Variants in OR8G5 observed in about 807,000 individuals in gnomAD.
The protein encoded by OR8G5 is olfactory receptor family 8 subfamily G member 5, also known as olfactory receptor 8G5.
For missense variants in OR8G5, 347 were observed against 371.9 expected (o/e 0.93, Z 0.55); for synonymous variants, 147 against 147.7 (o/e 1.00, Z 0.03).
At chr11:124,263,639 G>C (rs1846834629) in intron 1 of OR8G5, among the ~76,000 whole-genome samples, 1 of 151,614 alleles carries the variant, frequency 6.6e-6, no homozygotes, top group African/African-American at 2.4e-5. Flanking sequence ...GAGAATGATG[G>C]TTTCCAGCTT....
intron 1 of OR8G5, among the ~76,000 whole-genome samples, chr11:124,258,848 T>C (rs546717485): frequency 3.9e-5 from 6 of 152,106 alleles, no homozygotes; most frequent in Non-Finnish European, 8.8e-5. Context: ...GCACATGAGT[T>C]GGGAAGCTAT....
chr11:124,264,689 A>G, intron 1 of OR8G5: 4 of 555,424 alleles, frequency 7.2e-6, no homozygotes, highest in Non-Finnish European at 1.3e-5. Flanking sequence ...TTCAAAATAC[A>G]AAATAGACAC....
At chr11:124,261,663 C>A (rs1051891041) in intron 1 of OR8G5, among the ~76,000 whole-genome samples, 2 of 151,826 alleles carry the variant, frequency 1.3e-5, no homozygotes, top group African/African-American at 2.4e-5. Flanking sequence ...AATGCCTCAA[C>A]AACATAATTA....
intron 1 of OR8G5, among the ~76,000 whole-genome samples, chr11:124,259,272 G>T (rs912970390): frequency 6.6e-6 from 1 of 152,094 alleles, no homozygotes; most frequent in South Asian, 2.1e-4. Flanking sequence ...ACACAAACAG[G>T]ATATTTACAC....
chr11:124,265,923 T>C lies in OR8G5; in HGVS notation c.*56T>C. On this transcript the variant is annotated 3_prime_UTR_variant, in exon 2 of 2. Transcript: ENST00000641992. ...ATCTAAGTTTTTGGCTATGATATTG[T>C]ATGAAATGATGTCTTTCACTTTAGT... The C allele has an allele frequency of 6.7e-7, 1 of 1,497,116 alleles. No homozygotes were observed. Among genetic ancestry groups the C allele is most frequent in the Non-Finnish European group, 8.9e-7 (1 of 1,123,604 alleles). The allele number at this position is 1,497,116 out of a possible 1,614,324, so 92.7% of individuals were successfully genotyped here.
At chr11:124,256,963 T>C (rs2137755784) in intron 1 of OR8G5, among the ~76,000 whole-genome samples, 1 of 152,272 alleles carries the variant, frequency 6.6e-6, no homozygotes, top group South Asian at 2.1e-4. Flanking sequence ...TATTATAGTT[T>C]TGAATGAGAT....
At chr11:124,263,608 T>C (rs1193909465) in intron 1 of OR8G5, among the ~76,000 whole-genome samples, 3 of 151,084 alleles carry the variant, frequency 2.0e-5, no homozygotes, top group Non-Finnish European at 3.0e-5. Flanking sequence ...GTTTGGTTTT[T>C]TGTCCTTGCG....
In OR8G5 at chr11:124,265,739, C is replaced by T. The variant is rs1565320757; in HGVS notation, c.808C>T (p.Gln270Ter). Residue 270 changes from glutamine (Q) to a stop codon, truncating the protein, a stop_gained, in exon 2 of 2, where the codon CAG becomes TAG. Coordinates refer to ENST00000641992, the MANE Select transcript of OR8G5 (RefSeq NM_001005198.2). LOFTEE classifies it low-confidence loss of function (END_TRUNC). ...LQPSSVSSMD[Q>*]GKVSSVFYTI... ...GCCATCATCTGTCAGCTCCATGGAC[C>T]AGGGGAAAGTGTCCTCTGTGTTTTA... 4 of 1,614,094 alleles carry T rather than the reference C, an allele frequency of 2.5e-6. No homozygotes were observed. Among genetic ancestry groups the T allele is most frequent in the Middle Eastern group, 1.7e-4 (1 of 6,060 alleles).
intron 1 of OR8G5, among the ~76,000 whole-genome samples, chr11:124,263,741 G>A (rs117357055): frequency 0.032 from 4,828 of 151,808 alleles, 108 homozygotes; most frequent in Admixed American, 0.052. Flanking sequence ...TTAGTTTTAT[G>A]CTCAGGTCTG....
Position 124,265,246 on chromosome 11 carries a change from C to A in OR8G5, c.315C>A (p.Leu105=). 6.2e-7 allele frequency: 1 copy of A among 1,614,030 alleles called. No individual in the cohort carries two copies. The highest frequency in any genetic ancestry group is 2.2e-5 in the East Asian group (1 of 44,884). ...GCATGACTCAGCTCTACTTCTTCCT[C>A]GTTTTTGCTATTGCAGAGTGTCACA... The part of the protein sequence containing the change: ...PECMTQLYFF[L]VFAIAECHML... The change falls in exon 2 of 2, where the codon CTC becomes CTA. Residue 105 remains leucine (L), a synonymous_variant. Transcript: ENST00000641992.
chr11:124,261,524 A>G (rs1226508625), intron 1 of OR8G5, among the ~76,000 whole-genome samples: 2 of 151,978 alleles, frequency 1.3e-5, no homozygotes, highest in African/African-American at 4.8e-5. Flanking sequence ...TTCCATAGCA[A>G]TAAAGATTTT....
intron 1 of OR8G5, among the ~76,000 whole-genome samples, chr11:124,261,765 C>G (rs558068812): frequency 1.3e-5 from 2 of 151,914 alleles, no homozygotes; most frequent in South Asian, 4.1e-4. Flanking sequence ...TTTATGAAAA[C>G]TGATGATATG....
chr11:124,257,765 G>A (rs1251687347), intron 1 of OR8G5, among the ~76,000 whole-genome samples: 1 of 152,170 alleles, frequency 6.6e-6, no homozygotes, highest in Non-Finnish European at 1.5e-5. Context: ...TGGGAAAGAA[G>A]CTTAGTTAGA....
chr11:124,265,951 AT>A lies in OR8G5; in HGVS notation c.*85del. ...GAAATGATGTCTTTCACTTTAGTGC[AT>A]CTGTCAACATTCTTTCTAATTTGGG... On this transcript the variant is annotated 3_prime_UTR_variant, in exon 2 of 2. Transcript: ENST00000641992. The A allele has an allele frequency of 7.0e-7, 1 of 1,430,492 alleles. No homozygotes were observed. Among genetic ancestry groups the A allele is most frequent in the Non-Finnish European group, 9.3e-7 (1 of 1,076,794 alleles). The allele number at this position is 1,430,492 out of a possible 1,614,324, so 88.6% of individuals were successfully genotyped here. A position where few individuals can be genotyped will look rare whatever the true frequency, so the allele number is the denominator to read the frequency against.
At chr11:124,260,222 A>G (rs1176188985) in intron 1 of OR8G5, among the ~76,000 whole-genome samples, 3 of 152,006 alleles carry the variant, frequency 2.0e-5, no homozygotes. Flanking sequence ...TATACACCAT[A>G]GAATACCACT....
intron 1 of OR8G5, among the ~76,000 whole-genome samples, chr11:124,261,182 A>G (rs983721159): frequency 6.6e-6 from 1 of 151,232 alleles, no homozygotes; most frequent in Non-Finnish European, 1.5e-5. Flanking sequence ...CATTTCCTTT[A>G]TCCATCCATC....
Position 124,256,601 on chromosome 11 carries a change from A to G in OR8G5, c.-48A>G. On this transcript the variant is annotated 5_prime_UTR_variant, in exon 1 of 2. It adds an upstream start codon to the 5' untranslated region. Transcript: ENST00000641992. Reference sequence around the variant, plus strand: ...AAGTCAAAGACAGCAAGTTGCAAATAAAATTTGGAACTGAGGTTTCAGGCA... The same window carrying G: ...AAGTCAAAGACAGCAAGTTGCAAATGAAATTTGGAACTGAGGTTTCAGGCA... 6.6e-6 allele frequency: 1 copy of G among 152,226 alleles called. No homozygotes were observed. Among genetic ancestry groups the G allele is most frequent in the East Asian group, 1.9e-4 (1 of 5,194 alleles). The allele number at this position is 152,226 out of a possible 1,614,324, so 9.4% of individuals were successfully genotyped here.
intron 1 of OR8G5, among the ~76,000 whole-genome samples, chr11:124,260,558 C>T (rs1591395360): frequency 6.6e-6 from 1 of 151,840 alleles, no homozygotes; most frequent in Admixed American, 6.6e-5. Flanking sequence ...TATCGATCAT[C>T]TGTTTAGATG....
intron 1 of OR8G5, among the ~76,000 whole-genome samples, chr11:124,261,276 A>G (rs1467562159): frequency 6.6e-6 from 1 of 151,908 alleles, no homozygotes; most frequent in Non-Finnish European, 1.5e-5. Flanking sequence ...GTTTTGCTTT[A>G]TATTTTGAGG....
Sources: gnomAD v4.1 joint callset for allele counts (sites outside exome capture counted in the v4.1 genomes callset) on GRCh38, gnomAD v4.1.1 for gene constraint, MANE v1.5 for transcripts, NCBI Gene and HGNC (gene_info 2026-07-23, HGNC 2026-07-21) for gene names.